The following RINT1 variants were observed in gnomAD, a reference collection of about 807,000 sequenced individuals.
RINT1 encodes the protein RAD50 interactor 1, also known as RAD50-interacting protein 1.
Under a neutral mutation model 97.7 loss-of-function variants are expected in RINT1, and 75 were observed. The observed-to-expected ratio is 0.77, with a 90% confidence interval of 0.64 to 0.93. The LOEUF (loss-of-function observed/expected upper bound fraction) is 0.93. RINT1 is among the 40% of genes least tolerant of loss of function. The pLI is 0.00. For synonymous variants in RINT1, 303 were observed against 326.3 expected (o/e 0.93, Z 0.77); for missense variants, 892 against 925.2 (o/e 0.96, Z 0.47).
chr7:105,550,754 ATTTTT>A (rs1790891946), intron 9 of RINT1, among the ~76,000 whole-genome samples: 1 of 151,790 alleles, frequency 6.6e-6, no homozygotes, highest in Non-Finnish European at 1.5e-5. Flanking sequence ...AATTTATTTT[ATTTTT>A]ATTTATTTAT....
At chr7:105,540,022 A>G (rs186767251) in intron 3 of RINT1, among the ~76,000 whole-genome samples, 45 of 151,218 alleles carry the variant, frequency 3.0e-4, no homozygotes, top group Non-Finnish European at 2.9e-4. Context: ...GATGACTAAT[A>G]TTTGTATATG....
rs1305742565 is a variant in RINT1, at chr7:105,563,810, G to C, written c.1749G>C (p.Gln583His). 2 of 1,613,884 alleles carry C rather than the reference G, an allele frequency of 1.2e-6. No individual in the cohort carries two copies. The highest frequency in any genetic ancestry group is 1.7e-5 in the Admixed American group (1 of 60,004). Residue 583 changes from glutamine to histidine, a missense_variant, in exon 12 of 15, where the codon CAG becomes CAC. Coordinates refer to ENST00000257700, the MANE Select transcript of RINT1 (RefSeq NM_021930.6). The part of the protein sequence containing the change: ...NNTLSKLQLG[Q>H]LASMESSVFD... The stretch of plus-strand genomic sequence containing the variant: ...CTCTGAGTAAATTGCAGCTAGGACA[G>C]CTAGCCTCTATGGAGAGCTCTGTCT...
In RINT1 at chr7:105,550,637, T is replaced by G; in HGVS notation, c.1333+151T>G. The G allele has an allele frequency of 4.8e-6, 3 of 621,740 alleles. No individual in the cohort carries two copies. In the South Asian group the frequency reaches 6.3e-5, roughly 13 times the overall value. 38.5% of individuals were successfully genotyped at this position (621,740 alleles called of 1,614,324 possible). A position where few individuals can be genotyped will look rare whatever the true frequency, so the allele number is the denominator to read the frequency against. Reference sequence around the variant, plus strand: ...TCTGTTTCCTTCAGAGATAATCTTTTCTTTACTTCACATGAAACTTCCATT... The same window carrying G: ...TCTGTTTCCTTCAGAGATAATCTTTGCTTTACTTCACATGAAACTTCCATT... On this transcript the variant is annotated intron_variant, in intron 9 of 14. Transcript: ENST00000257700.
intron 4 of RINT1, among the ~76,000 whole-genome samples, chr7:105,545,802 A>G (rs1790642961): frequency 7.4e-6 from 1 of 135,844 alleles, no homozygotes; most frequent in South Asian, 2.3e-4. Context: ...AGAGGCCACC[A>G]CGCCTGGCCT....
intron 2 of RINT1, among the ~76,000 whole-genome samples, chr7:105,535,227 A>AC (rs1460140049): frequency 3.3e-4 from 47 of 140,866 alleles, no homozygotes; most frequent in African/African-American, 1.2e-3. Flanking sequence ...AAGCTTAAAA[A>AC]CCTTTTTTTT....
At chr7:105,549,538 G>A (rs1007676165) in intron 7 of RINT1, among the ~76,000 whole-genome samples, 2 of 150,808 alleles carry the variant, frequency 1.3e-5, no homozygotes, top group African/African-American at 4.9e-5. Context: ...TAGGTGAGAC[G>A]GGGTTTCACC....
At chr7:105,543,607 G>A (rs182676316) in intron 4 of RINT1, among the ~76,000 whole-genome samples, 17 of 152,246 alleles carry the variant, frequency 1.1e-4, no homozygotes, top group African/African-American at 4.1e-4. Flanking sequence ...AGAGCTGTCA[G>A]CAACCATTAA....
chr7:105,532,346 C>G lies in RINT1; in HGVS notation c.31C>G (p.Pro11Ala). The change falls in exon 1 of 15, where the codon CCT (proline) becomes GCT (alanine). Residue 11 changes from proline to alanine, a missense_variant. By Grantham distance (27) the Pro-to-Ala change is conservative. Coordinates refer to ENST00000257700, the MANE Select transcript of RINT1 (RefSeq NM_021930.6). ...ACCAGCCGGCGAGATCGGCGCCTCT[C>G]CTGCAGCCCCGGTGAGACGGCCCTG... is the stretch of plus-strand genomic sequence containing the variant. MLPAGEIGAS[P>A]AAPCCSESGD... 1.2e-6 allele frequency: 2 copies of G among 1,600,588 alleles called. No individual in the cohort carries two copies. The highest frequency in any genetic ancestry group is 2.7e-5 in the African/African-American group (2 of 74,852).
At chr7:105,555,354 T>A in intron 11 of RINT1, 127 bp downstream of exon 11, 1 of 662,336 alleles carries the variant, frequency 1.5e-6, no homozygotes, top group Non-Finnish European at 2.4e-6. Flanking sequence ...GTGCCATAAT[T>A]AAAAGGTGTA....
chr7:105,547,980 G>T (rs556477149), intron 6 of RINT1, among the ~76,000 whole-genome samples: 1 of 151,952 alleles, frequency 6.6e-6, no homozygotes, highest in South Asian at 2.1e-4. Flanking sequence ...ACCCGCCTCA[G>T]CTTCCCAAAG....
intron 2 of RINT1, chr7:105,535,669 C>T (rs1019111213): frequency 1.2e-5 from 5 of 430,552 alleles, no homozygotes; most frequent in Non-Finnish European, 2.3e-5. Flanking sequence ...AATCCTCCCA[C>T]CTCAGCCCAC....
In RINT1 at chr7:105,532,875, C is replaced by A. The variant is rs1790089381; in HGVS notation, c.88+6C>A. On this transcript the variant is annotated splice_donor_region_variant and intron_variant, in intron 2 of 14. Coordinates refer to ENST00000257700, the MANE Select transcript of RINT1 (RefSeq NM_021930.6). ...GAAGAACCTCGAGGAGAAAAGTAAG[C>A]CAGCTCCAAACACCTTAGCTTTTTC... is the stretch of plus-strand genomic sequence containing the variant. 1.2e-6 allele frequency: 2 copies of A among 1,613,718 alleles called. No homozygotes were observed. Among genetic ancestry groups the A allele is most frequent in the Non-Finnish European group, 1.7e-6 (2 of 1,179,732 alleles).
chr7:105,567,575 A>C lies in RINT1; in HGVS notation c.*264A>C. 1.6e-6 allele frequency: 1 copy of C among 622,256 alleles called. No homozygotes were observed. Among genetic ancestry groups the C allele is most frequent in the Non-Finnish European group, 2.9e-6 (1 of 349,350 alleles). 38.5% of individuals were successfully genotyped at this position (622,256 alleles called of 1,614,324 possible). A position where few individuals can be genotyped will look rare whatever the true frequency, so the allele number is the denominator to read the frequency against. On this transcript the variant is annotated 3_prime_UTR_variant, in exon 15 of 15. Transcript: ENST00000257700. ...ATGCTGAGTATGTCTGTTGAAGACG[A>C]GCAGAGATATTAAATTATAACCAAC...
At position 105,539,890 on chromosome 7, in the gene RINT1, T is replaced by C. The variant is rs1790388380; in HGVS notation, c.274-2518T>C. The stretch of plus-strand genomic sequence containing the variant: ...CTTACAACACTCTTATATACCAAAG[T>C]GACCTGAAGGACGGATGCTGTGTCT... On this transcript the variant is annotated intron_variant, in intron 3 of 14. Coordinates refer to ENST00000257700, the MANE Select transcript of RINT1 (RefSeq NM_021930.6). 2.0e-5 allele frequency among the ~76,000 whole-genome samples: 3 copies of C among 152,334 alleles called. No homozygotes were observed. In the South Asian group the frequency reaches 6.2e-4, roughly 32 times the overall value.
At chr7:105,552,662 A>G (rs1045661760) in intron 10 of RINT1, among the ~76,000 whole-genome samples, 3 of 125,000 alleles carry the variant, frequency 2.4e-5, no homozygotes, top group African/African-American at 8.3e-5. Flanking sequence ...TCAGTAAATA[A>G]TTCCTTTTTT....
chr7:105,538,854 T>C (rs1396880989), intron 3 of RINT1, among the ~76,000 whole-genome samples: 1 of 152,214 alleles, frequency 6.6e-6, no homozygotes, highest in African/African-American at 2.4e-5. Flanking sequence ...CCAGGTTCTC[T>C]CTGCCACCTC....
In RINT1 at chr7:105,532,395, T is replaced by TG. The variant is rs757173163; in HGVS notation, c.42+40dup. 7.6e-6 allele frequency: 12 copies of TG among 1,587,564 alleles called. No homozygotes were observed. In the African/African-American group the frequency reaches 1.5e-4, roughly 20 times the overall value. On this transcript the variant is annotated intron_variant, in intron 1 of 14. Coordinates refer to ENST00000257700, the MANE Select transcript of RINT1 (RefSeq NM_021930.6). ...TGGCGTCCCTGGGAGGGGACATTGG[T>TG]GGCCCATTGAGGTGGCACAGACCTC...
In RINT1 at chr7:105,548,719, T is replaced by A; in HGVS notation, c.996+9T>A. On this transcript the variant is annotated intron_variant, in intron 7 of 14. Coordinates refer to ENST00000257700, the MANE Select transcript of RINT1 (RefSeq NM_021930.6). Reference sequence around the variant, plus strand: ...CTAATGTGTTAAGCAAGGTGTGTTTTGCCAGCTCTTGTCCTTGGTTTTTAT... The same window carrying A: ...CTAATGTGTTAAGCAAGGTGTGTTTAGCCAGCTCTTGTCCTTGGTTTTTAT... The A allele has an allele frequency of 6.3e-7, 1 of 1,597,582 alleles. No individual in the cohort carries two copies. The highest frequency in any genetic ancestry group is 8.5e-7 in the Non-Finnish European group (1 of 1,171,040).
At chr7:105,532,767 T>C in intron 1 of RINT1, 57 bp from the exon 2 acceptor site, 1 of 1,581,118 alleles carries the variant, frequency 6.3e-7, no homozygotes, top group Non-Finnish European at 8.7e-7. Context: ...GAGCCCCGTA[T>C]GCTTTCCATC....
Sources: gnomAD v4.1 joint callset for allele counts (sites outside exome capture counted in the v4.1 genomes callset) on GRCh38, gnomAD v4.1.1 for gene constraint, MANE v1.5 for transcripts, NCBI Gene and HGNC (gene_info 2026-07-23, HGNC 2026-07-21) for gene names.